Variants in MKKS observed in about 807,000 individuals in gnomAD.
MKKS encodes molecular chaperone MKKS.
MKKS carries 29 observed loss-of-function variants against 33.2 expected under a neutral mutation model. The observed-to-expected ratio is 0.87, with a 90% CI of 0.65 to 1.19. The LOEUF is 1.19. MKKS is among the 50% of genes most tolerant of loss of function. The probability of loss-of-function intolerance (pLI) is 0.00; values close to 1 mark genes in which losing one functional copy is unlikely to be tolerated. For missense variants in MKKS, 661 were observed against 662.3 expected, an observed-to-expected ratio of 1.00 and a Z score of 0.02; for synonymous variants, 260 against 244.0, an observed-to-expected ratio of 1.07 and a Z score of -0.61.
Position 10,403,118 on chromosome 20 carries a change from G to C in MKKS, c.*2129C>G, listed in dbSNP as rs2064819164. 6.6e-6 allele frequency: 1 copy of C among 152,198 alleles called. No homozygotes were observed. The highest frequency in any genetic ancestry group is 1.5e-5 in the Non-Finnish European group (1 of 68,068). The allele number at this position is 152,198 out of a possible 1,614,324, so 9.4% of individuals were successfully genotyped here. On this transcript the variant is annotated 3_prime_UTR_variant, in exon 6 of 6. Transcript: ENST00000347364. ...ATTGGTACGATTCAGTTCCTTTTGA[G>C]CTGTTGGCTAGAAGCCTCCCTCAAC...
intron 3 of MKKS, 116 bp from the exon 4 acceptor site, chr20:10,408,919 A>T: frequency 1.4e-6 from 1 of 738,334 alleles, no homozygotes; most frequent in Non-Finnish European, 2.2e-6. Context: ...ATAATTTAAA[A>T]TATGAAATAC....
In MKKS at chr20:10,420,753, G is replaced by T. The variant is rs1466538987; in HGVS notation, c.-643C>A. Reference sequence around the variant, plus strand: ...GAAGGCTCATAGTACTTCAGCATCAGTGTACCTAAGAAAAGGTTACAGTTA... The same window carrying T: ...GAAGGCTCATAGTACTTCAGCATCATTGTACCTAAGAAAAGGTTACAGTTA... On this transcript the variant is annotated 5_prime_UTR_variant, in exon 2 of 6. The change creates a new upstream start codon in the 5' untranslated region. Coordinates refer to ENST00000347364, the MANE Select transcript of MKKS (RefSeq NM_170784.3). The T allele has an allele frequency of 1.3e-5, 2 of 152,180 alleles. No individual in the cohort carries two copies. The highest frequency in any genetic ancestry group is 2.9e-5 in the Non-Finnish European group (2 of 68,038). 9.4% of individuals were successfully genotyped at this position (152,180 alleles called of 1,614,324 possible).
At position 10,413,433 on chromosome 20, in the gene MKKS, C is replaced by G. The variant is rs368653529; in HGVS notation, c.82G>C (p.Val28Leu). 1 of 1,613,574 alleles carries G rather than the reference C, an allele frequency of 6.2e-7. No homozygotes were observed. ...CATGATGTTACAATTCTTTTCAAGACAGAAAGTGTGGTCCTGACTCTCTCA... is the reference window on the plus strand; with the variant it reads ...CATGATGTTACAATTCTTTTCAAGAGAGAAAGTGTGGTCCTGACTCTCTCA... ...TTERVRTTLSVLKRIVTSCYG... is the reference protein window; with the variant it reads ...TTERVRTTLSLLKRIVTSCYG... The change falls in exon 3 of 6, where the codon GTC (valine) becomes CTC (leucine). Residue 28 changes from valine to leucine, a missense_variant. By Grantham distance (32) the Val-to-Leu change is conservative. Coordinates refer to ENST00000347364, the MANE Select transcript of MKKS (RefSeq NM_170784.3).
At chr20:10,427,684 G>C (rs2065025516) in intron 1 of MKKS, among the ~76,000 whole-genome samples, 1 of 152,228 alleles carries the variant, frequency 6.6e-6, no homozygotes, top group African/African-American at 2.4e-5. Context: ...GAAATGAACT[G>C]ACATGGTAAA....
Position 10,412,959 on chromosome 20 carries a change from T to C in MKKS, c.556A>G (p.Ile186Val), listed in dbSNP as rs770463812. Residue 186 changes from isoleucine (I) to valine (V), a missense_variant, in exon 3 of 6, where the codon ATT becomes GTT. Physicochemically the swap from Ile to Val is conservative, Grantham distance 29. Transcript: ENST00000347364. ...ATGTGGCCTTCAGCATTTTCTGGAA[T>C]TGTAAGCAAAAAGGCTCTCAGGATC... is the stretch of plus-strand genomic sequence containing the variant. ...ALILRAFLLT[I>V]PENAEGHIIL... 1.2e-6 allele frequency: 2 copies of C among 1,613,962 alleles called. No individual in the cohort carries two copies. Among genetic ancestry groups the C allele is most frequent in the Admixed American group, 1.7e-5 (1 of 59,982 alleles).
intron 1 of MKKS, among the ~76,000 whole-genome samples, chr20:10,426,561 G>A (rs1045921063): frequency 2.0e-5 from 3 of 152,132 alleles, no homozygotes; most frequent in African/African-American, 4.8e-5. Flanking sequence ...CACCATGCCC[G>A]ACTAATTTTT....
intron 1 of MKKS, among the ~76,000 whole-genome samples, chr20:10,426,395 T>C (rs1472302460): frequency 6.6e-6 from 1 of 151,016 alleles, no homozygotes; most frequent in Non-Finnish European, 1.5e-5. Context: ...TGGGGCATCA[T>C]GCCTGGCATG....
chr20:10,412,823 A>G lies in MKKS; in HGVS notation c.692T>C (p.Leu231Ser). Residue 231 changes from leucine (L) to serine (S), a missense_variant, in exon 3 of 6, where the codon TTA becomes TCA. Leu to Ser is a moderately radical substitution (Grantham distance 145). Transcript: ENST00000347364. The part of the protein sequence containing the change: ...EMSEVQLMRL[L>S]PIKKSTALKV... ...GAGGGCAGTTGATTTTTTGATAGGT[A>G]ATAGCCTCATTAATTGAACTTCTGA... is the stretch of plus-strand genomic sequence containing the variant. 1 of 1,614,172 alleles carries G rather than the reference A, an allele frequency of 6.2e-7. No homozygotes were observed. The highest frequency in any genetic ancestry group is 8.5e-7 in the Non-Finnish European group (1 of 1,180,006).
At chr20:10,432,870 C>G (rs1053078476) in intron 1 of MKKS, among the ~76,000 whole-genome samples, 8 of 148,906 alleles carry the variant, frequency 5.4e-5, no homozygotes, top group Non-Finnish European at 1.2e-4. Flanking sequence ...TAAATAATCT[C>G]TAGGCTACTT....
At chr20:10,420,940 G>C (rs2064976250) in intron 1 of MKKS, among the ~76,000 whole-genome samples, 182 bp from the exon 2 acceptor site, 1 of 152,200 alleles carries the variant, frequency 6.6e-6, no homozygotes, top group Non-Finnish European at 1.5e-5. Flanking sequence ...GACCCAAAGG[G>C]AGCAGGCAGT....
At position 10,433,011 on chromosome 20, in the gene MKKS, A is replaced by G. The variant is rs145360263; in HGVS notation, c.-649+1097T>C. Among the ~76,000 whole-genome samples, 805 of 152,188 alleles carry G rather than the reference A, an allele frequency of 5.3e-3. 2 individuals carry two copies. The highest frequency in any genetic ancestry group is 7.2e-3 in the Non-Finnish European group (491 of 67,996). On this transcript the variant is annotated intron_variant, in intron 1 of 5. Coordinates refer to ENST00000347364, the MANE Select transcript of MKKS (RefSeq NM_170784.3). ...ATCTTTTTTCCCCCAGAATGTTTTT[A>G]TTTATTTATTTTCTTAAATAGAGTC... is the stretch of plus-strand genomic sequence containing the variant.
At chr20:10,423,861 A>C (rs1044662618) in intron 1 of MKKS, among the ~76,000 whole-genome samples, 1 of 152,248 alleles carries the variant, frequency 6.6e-6, no homozygotes, top group African/African-American at 2.4e-5. Context: ...ACTGAGACTC[A>C]GTACAGTATT....
rs544889535 is a variant in MKKS, at chr20:10,409,799, C to T, written c.986-996G>A. Among the ~76,000 whole-genome samples the T allele has an allele frequency of 4.6e-5, 7 of 151,500 alleles. No individual in the cohort carries two copies. The East Asian group carries it at 5.8e-4, about 13-fold the overall frequency. ...CAGCCTGGCCAACATGGTGAAACCC[C>T]GTCTCTACTAAAAATACAAAAACTA... On this transcript the variant is annotated intron_variant, in intron 3 of 5. Coordinates refer to ENST00000347364, the MANE Select transcript of MKKS (RefSeq NM_170784.3).
rs2064901901 is a variant in MKKS at position 10,412,850 on chromosome 20, AT to A, written c.664del (p.Met222CysfsTer6). The A allele has an allele frequency of 6.2e-7, 1 of 1,614,226 alleles. No individual in the cohort carries two copies. The highest frequency in any genetic ancestry group is 2.2e-5 in the East Asian group (1 of 44,890). ...STVLPGILIE[M>X]SEVQLMRLLP... is the part of the protein sequence containing the mutation. ...TAGCCTCATTAATTGAACTTCTGAC[AT>A]TTCAATGAGTATCCCAGGTAATACA... is the stretch of plus-strand genomic sequence containing the variant. On this transcript the variant is annotated frameshift_variant, in exon 3 of 6. Coordinates refer to ENST00000347364, the MANE Select transcript of MKKS (RefSeq NM_170784.3). LOFTEE classifies it high-confidence loss of function.
chr20:10,430,057 A>C (rs2065044036), intron 1 of MKKS, among the ~76,000 whole-genome samples: 1 of 152,198 alleles, frequency 6.6e-6, no homozygotes, highest in African/African-American at 2.4e-5. Flanking sequence ...AAAAACAAAA[A>C]CAAATCTGGT....
At chr20:10,406,904 TTTACCCAATGA>T (rs2064847701) in intron 5 of MKKS, among the ~76,000 whole-genome samples, 2 of 152,174 alleles carry the variant, frequency 1.3e-5, no homozygotes, top group Non-Finnish European at 2.9e-5. Context: ...ACAGGGCATG[TTTACCCAATGA>T]ATCGATTGCT....
At chr20:10,418,538 T>C in intron 2 of MKKS, among the ~76,000 whole-genome samples, 1 of 152,208 alleles carries the variant, frequency 6.6e-6, no homozygotes, top group East Asian at 1.9e-4. Context: ...AAAGCCTGTT[T>C]AAATATCTGC....
intron 2 of MKKS, among the ~76,000 whole-genome samples, chr20:10,415,136 C>T (rs1475469351): frequency 6.6e-6 from 1 of 152,178 alleles, no homozygotes; most frequent in Non-Finnish European, 1.5e-5. Flanking sequence ...ATTCCTGACA[C>T]ATTAATAATA....
At chr20:10,427,646 G>C (rs1447631404) in intron 1 of MKKS, among the ~76,000 whole-genome samples, 1 of 152,186 alleles carries the variant, frequency 6.6e-6, no homozygotes, top group African/African-American at 2.4e-5. Context: ...CAATAGAAAA[G>C]ACTGCACGTG....
Sources: allele counts gnomAD v4.1 joint callset (sites outside exome capture counted in the v4.1 genomes callset), GRCh38; gene constraint gnomAD v4.1.1; transcripts MANE v1.5; gene names NCBI Gene and HGNC (gene_info 2026-07-23, HGNC 2026-07-21).